The following LIPJ variants were observed in gnomAD, a reference collection of about 807,000 sequenced individuals.
The protein encoded by LIPJ is lipase family member J, also known as lipase member J.
LIPJ carries 33 observed loss-of-function variants against 39.8 expected under a neutral mutation model. The observed-to-expected ratio is 0.83, with a 90% confidence interval of 0.63 to 1.11. The LOEUF (loss-of-function observed/expected upper bound fraction) is 1.11. Ranked by LOEUF, LIPJ falls within the 50% of genes least tolerant of loss-of-function variation. The pLI, the probability that LIPJ is intolerant of heterozygous loss-of-function variation, is 0.00. For synonymous variants in LIPJ, 128 were observed against 139.2 expected (o/e 0.92, Z 0.57); for missense variants, 422 against 427.9 (o/e 0.99, Z 0.12).
At chr10:88,622,007 C>G in the LIPJ span, among the ~76,000 whole-genome samples, 3 of 152,110 alleles carry the variant, frequency 2.0e-5, no homozygotes, top group African/African-American at 7.2e-5. Flanking sequence ...CTGCTCAGAC[C>G]CAGTTTAACA....
rs767445582 is a variant in LIPJ, at chr10:88,599,688, T to TATAC, written c.723+2753_723+2754insTACA. Among the ~76,000 whole-genome samples, 344 of 150,958 alleles carry TATAC rather than the reference T, an allele frequency of 2.3e-3. 4 individuals carry two copies. Among genetic ancestry groups the TATAC allele is most frequent in the Admixed American group, 0.013 (196 of 15,116 alleles). On this transcript the variant is annotated intron_variant, in intron 8 of 10. Coordinates refer to ENST00000371939, the Ensembl canonical transcript of LIPJ. Reference sequence around the variant, plus strand: ...ATACATTTATATATACATACATATATACACACACACACACACACACACATA... The same window carrying TATAC: ...ATACATTTATATATACATACATATATATACACACACACACACACACACACACATA...
chr10:88,606,771 T>G, exon 11 of LIPJ: 1 of 1,613,458 alleles, frequency 6.2e-7, no homozygotes, highest in Admixed American at 1.7e-5. Flanking sequence ...GACGTTAACA[T>G]TTTACATTCT....
At chr10:88,594,201 T>G (rs1157950683) in intron 5 of LIPJ, 57 bp downstream of exon 5, 9 of 1,291,688 alleles carry the variant, frequency 7.0e-6, no homozygotes, top group Non-Finnish European at 8.6e-6. Flanking sequence ...TTTTTCATTT[T>G]GAATGCAATA....
At chr10:88,593,905 AC>A in intron 4 of LIPJ, 40 bp from the exon 5 acceptor site, 1 of 1,521,796 alleles carries the variant, frequency 6.6e-7, no homozygotes, top group Non-Finnish European at 9.0e-7. Context: ...CATATAGATA[AC>A]TACAAAATTT....
chr10:88,607,067 T>G, downstream of LIPJ: 6 of 644,842 alleles, frequency 9.3e-6, no homozygotes, highest in Non-Finnish European at 1.3e-5. Context: ...ATTAAATCAG[T>G]GTCATTCATC....
At chr10:88,602,594 T>C in exon 9 of LIPJ, 1 of 1,591,052 alleles carries the variant, frequency 6.3e-7, no homozygotes, top group African/African-American at 1.4e-5. Context: ...GGATGTGTAT[T>C]TTTCACACAA....
chr10:88,622,767 T>C, the LIPJ span, among the ~76,000 whole-genome samples: 1,141 of 152,230 alleles, frequency 7.5e-3, 28 homozygotes, highest in South Asian at 0.083. Flanking sequence ...CTATGGACTT[T>C]ACTCTGTGTG....
At chr10:88,583,115 C>A, upstream of LIPJ, 2 of 1,614,118 alleles carry the variant, frequency 1.2e-6, no homozygotes, top group Non-Finnish European at 1.7e-6. Context: ...TACAAGGGAC[C>A]GGACGTCTGC....
At chr10:88,589,817 T>G (rs1288281703) in intron 2 of LIPJ, among the ~76,000 whole-genome samples, 1 of 151,816 alleles carries the variant, frequency 6.6e-6, no homozygotes, top group Non-Finnish European at 1.5e-5. Context: ...ATAACAATCC[T>G]GAGAAGTAGG....
At chr10:88,616,976 T>C in the LIPJ span, among the ~76,000 whole-genome samples, 1 of 151,948 alleles carries the variant, frequency 6.6e-6, no homozygotes, top group African/African-American at 2.4e-5. Flanking sequence ...GCCTTTCTCT[T>C]CCCCCTCTTT....
chr10:88,614,876 G>A, the LIPJ span, among the ~76,000 whole-genome samples: 1 of 152,108 alleles, frequency 6.6e-6, no homozygotes, highest in East Asian at 1.9e-4. Flanking sequence ...AGAGAGTCTA[G>A]AAGCAGAGTC....
intron 8 of LIPJ, among the ~76,000 whole-genome samples, chr10:88,600,248 T>C (rs1002732817): frequency 6.6e-6 from 1 of 152,174 alleles, no homozygotes; most frequent in African/African-American, 2.4e-5. Context: ...TCAATTCTTT[T>C]TCTTCTTTCA....
At chr10:88,620,485 A>T in the LIPJ span, among the ~76,000 whole-genome samples, 1 of 152,198 alleles carries the variant, frequency 6.6e-6, no homozygotes, top group Non-Finnish European at 1.5e-5. Context: ...AAATTCTAAA[A>T]ATGGGAAAGA....
At chr10:88,605,229 A>C (rs991729788) in intron 9 of LIPJ, among the ~76,000 whole-genome samples, 3 of 152,130 alleles carry the variant, frequency 2.0e-5, no homozygotes, top group African/African-American at 7.2e-5. Context: ...GACTTCTGGG[A>C]CAAACTCTTG....
At chr10:88,608,528 T>C (rs77888412), downstream of LIPJ, among the ~76,000 whole-genome samples, 1,136 of 152,346 alleles carry the variant, frequency 7.5e-3, 8 homozygotes, top group African/African-American at 0.026. Flanking sequence ...GGGACATTTG[T>C]AGTCCCCAGG....
intron 8 of LIPJ, 28 bp from the exon 9 acceptor site, chr10:88,602,536 CTTATATAAAAAT>C: frequency 5.6e-6 from 8 of 1,424,308 alleles, no homozygotes; most frequent in Non-Finnish European, 7.6e-6. Flanking sequence ...TATGATTCAA[CTTATATAAAAAT>C]GCTTTTTTTT....
At chr10:88,594,270 T>C in intron 5 of LIPJ, 126 bp downstream of exon 5, 4 of 672,390 alleles carry the variant, frequency 5.9e-6, no homozygotes, top group Non-Finnish European at 9.9e-6. Flanking sequence ...ACTATTACAA[T>C]TTATGTGAAT....
chr10:88,582,969 G>A (rs938582793), upstream of LIPJ: 6 of 1,326,456 alleles, frequency 4.5e-6, no homozygotes, highest in African/African-American at 9.1e-5. Context: ...GGAGCTGAGG[G>A]TATAGCGTTT....
chr10:88,596,719 G>T, intron 7 of LIPJ, 71 bp from the exon 8 acceptor site: 1 of 1,301,406 alleles, frequency 7.7e-7, no homozygotes, highest in Non-Finnish European at 1.1e-6. Flanking sequence ...TATAGATAGT[G>T]AATTACCACA....
Sources: gnomAD v4.1 joint callset for allele counts (sites outside exome capture counted in the v4.1 genomes callset) on GRCh38, gnomAD v4.1.1 for gene constraint, MANE v1.5 for transcripts, NCBI Gene and HGNC (gene_info 2026-07-23, HGNC 2026-07-21) for gene names.